The following MACROD2 variants were observed in gnomAD, a reference collection of about 807,000 sequenced individuals.
MACROD2 encodes ADP-ribose glycohydrolase MACROD2.
Under a neutral mutation model 70.4 loss-of-function variants are expected in MACROD2, and 36 were observed. The observed-to-expected ratio is 0.51, with a 90% CI of 0.39 to 0.68. The LOEUF is 0.68. Ranked by LOEUF, MACROD2 falls within the 30% of genes least tolerant of loss-of-function variation. MACROD2 has a pLI of 0.00. For missense variants in MACROD2, 496 were observed against 538.4 expected (o/e 0.92, Z 0.78); for synonymous variants, 172 against 178.8 (o/e 0.96, Z 0.30).
intron 5 of MACROD2, among the ~76,000 whole-genome samples, chr20:14,954,067 A>AT (rs910015433): frequency 6.6e-6 from 1 of 151,640 alleles, no homozygotes; most frequent in African/African-American, 2.4e-5. Flanking sequence ...CGGTAAATAG[A>AT]TTTTTTTTTC....
At chr20:15,938,369 C>T (rs934022159) in intron 12 of MACROD2, among the ~76,000 whole-genome samples, 1 of 152,202 alleles carries the variant, frequency 6.6e-6, no homozygotes, top group Non-Finnish European at 1.5e-5. Context: ...ATCTTTCCAA[C>T]AGCATGTGCT....
chr20:15,206,586 C>A (rs1039012846), intron 5 of MACROD2, among the ~76,000 whole-genome samples: 2 of 151,806 alleles, frequency 1.3e-5, no homozygotes, highest in African/African-American at 4.8e-5. Context: ...TCCAGTGAAT[C>A]TTTACCTCTC....
intron 6 of MACROD2, among the ~76,000 whole-genome samples, chr20:15,259,258 C>T (rs1446210334): frequency 6.6e-6 from 1 of 151,934 alleles, no homozygotes; most frequent in Non-Finnish European, 1.5e-5. Flanking sequence ...TCCAGGCTTC[C>T]TCACTGGGCT....
chr20:14,901,208 C>T (rs2122550290), intron 5 of MACROD2, among the ~76,000 whole-genome samples: 1 of 152,050 alleles, frequency 6.6e-6, no homozygotes, highest in East Asian at 1.9e-4. Flanking sequence ...ACTATTGCAG[C>T]TTTAAAAATA....
At chr20:15,987,290 CA>C (rs1307635181) in intron 15 of MACROD2, 132 bp downstream of exon 15, 2 of 703,140 alleles carry the variant, frequency 2.8e-6, no homozygotes, top group African/African-American at 1.9e-5. Context: ...TCCTTAACCC[CA>C]AATCTCCGTT....
intron 8 of MACROD2, among the ~76,000 whole-genome samples, chr20:15,590,721 A>C (rs952852466): frequency 6.6e-6 from 1 of 152,052 alleles, no homozygotes; most frequent in Non-Finnish European, 1.5e-5. Context: ...TATCTCTACA[A>C]TACAACAATT....
chr20:14,031,466 GT>G (rs1163666807), intron 2 of MACROD2, among the ~76,000 whole-genome samples: 1 of 151,982 alleles, frequency 6.6e-6, no homozygotes, highest in Non-Finnish European at 1.5e-5. Flanking sequence ...TTAGTTACAA[GT>G]AAAAAGTAAC....
At chr20:15,947,129 G>A (rs1601189945) in intron 12 of MACROD2, among the ~76,000 whole-genome samples, 2 of 152,098 alleles carry the variant, frequency 1.3e-5, no homozygotes, top group African/African-American at 4.8e-5. Flanking sequence ...ATGTACAATC[G>A]GGTTTTATAC....
Position 15,431,432 on chromosome 20 carries a change from T to C in MACROD2, c.568T>C (p.Tyr190His). 6.2e-7 allele frequency: 1 copy of C among 1,611,248 alleles called. No individual in the cohort carries two copies. Among genetic ancestry groups the C allele is most frequent in the Non-Finnish European group, 8.5e-7 (1 of 1,178,028 alleles). ...ATTTCCCTGCATCTCAACAGGCATT[T>C]ATGGTAAGTGATACAGCTTTTGATG... ...VAFPCISTGI[Y>H]GFPNEPAAVI... The change falls in exon 7 of 18, where the codon TAT becomes CAT. Residue 190 changes from tyrosine (Y) to histidine (H), a missense_variant. By Grantham distance (83) the Tyr-to-His change is moderately conservative. Coordinates refer to ENST00000684519, the MANE Select transcript of MACROD2 (RefSeq NM_001351661.2).
chr20:15,733,509 C>T (rs117249975), intron 8 of MACROD2, among the ~76,000 whole-genome samples: 49 of 152,150 alleles, frequency 3.2e-4, no homozygotes, highest in Non-Finnish European at 6.5e-4. Flanking sequence ...TCCCTAAAAG[C>T]AGTTTTGTCA....
chr20:14,341,024 T>C (rs2083007235), intron 3 of MACROD2, among the ~76,000 whole-genome samples: 2 of 152,218 alleles, frequency 1.3e-5, no homozygotes, highest in South Asian at 4.1e-4. Flanking sequence ...AGTTACCAAC[T>C]ACCAGCTGAA....
At chr20:14,658,146 G>A (rs1986063116) in intron 4 of MACROD2, among the ~76,000 whole-genome samples, 4 of 151,964 alleles carry the variant, frequency 2.6e-5, no homozygotes, top group Admixed American at 2.6e-4. Context: ...GATGATTAAG[G>A]TTTAGCAATC....
At chr20:14,773,881 C>T (rs1167394323) in intron 5 of MACROD2, among the ~76,000 whole-genome samples, 1 of 152,038 alleles carries the variant, frequency 6.6e-6, no homozygotes, top group Admixed American at 6.6e-5. Flanking sequence ...TGTAGCTATA[C>T]TTACTTTTTG....
intron 4 of MACROD2, among the ~76,000 whole-genome samples, chr20:14,657,157 G>A (rs185859986): frequency 1.4e-3 from 212 of 152,204 alleles, no homozygotes; most frequent in African/African-American, 4.7e-3. Context: ...GTACCAAAGG[G>A]CATTTACATA....
At chr20:15,020,918 T>A (rs2075162026) in intron 5 of MACROD2, among the ~76,000 whole-genome samples, 1 of 150,910 alleles carries the variant, frequency 6.6e-6, no homozygotes, top group African/African-American at 2.4e-5. Context: ...TATAGGAGAC[T>A]ATATACACAT....
intron 9 of MACROD2, among the ~76,000 whole-genome samples, chr20:15,884,959 T>A (rs2064804139): frequency 6.6e-6 from 1 of 152,034 alleles, no homozygotes; most frequent in African/African-American, 2.4e-5. Context: ...ATAAAGACAC[T>A]AATCCCATCC....
At chr20:14,467,361 T>A (rs1441192188) in intron 3 of MACROD2, among the ~76,000 whole-genome samples, 1 of 152,160 alleles carries the variant, frequency 6.6e-6, no homozygotes, top group African/African-American at 2.4e-5. Context: ...TCTCCTGGTG[T>A]GCCATTTGAT....
At chr20:14,116,583 A>G (rs1485839177) in intron 3 of MACROD2, among the ~76,000 whole-genome samples, 4 of 152,170 alleles carry the variant, frequency 2.6e-5, no homozygotes, top group Non-Finnish European at 5.9e-5. Flanking sequence ...AGCACAGATG[A>G]TATTATAAAC....
chr20:15,272,968 C>T (rs922962033), intron 6 of MACROD2, among the ~76,000 whole-genome samples: 2 of 152,094 alleles, frequency 1.3e-5, no homozygotes, highest in Non-Finnish European at 2.9e-5. Context: ...CATGCTGTTC[C>T]CTTGACCATG....
Sources: allele counts gnomAD v4.1 joint callset (sites outside exome capture counted in the v4.1 genomes callset), GRCh38; gene constraint gnomAD v4.1.1; transcripts MANE v1.5; gene names NCBI Gene and HGNC (gene_info 2026-07-23, HGNC 2026-07-21).